Variants in TENM4 observed in about 807,000 individuals in gnomAD.
The protein encoded by TENM4 is teneurin-4.
Under a neutral mutation model 243.3 loss-of-function variants are expected in TENM4, and 82 were observed. The ratio of observed to expected loss-of-function variants is 0.34; its 90% CI spans 0.28 to 0.40. The LOEUF (loss-of-function observed/expected upper bound fraction) is 0.40. Among genes scored for constraint, TENM4 ranks in the 10% least tolerant of loss-of-function variants. The pLI, the probability that TENM4 is intolerant of heterozygous loss-of-function variation, is 1.00. For missense variants in TENM4, 3,138 were observed against 3,673.3 expected (o/e 0.85, Z 3.77); for synonymous variants, 1,412 against 1,456.3 (o/e 0.97, Z 0.69).
At chr11:79,411,409 G>C (rs1448584257) in intron 1 of TENM4, among the ~76,000 whole-genome samples, 2 of 152,224 alleles carry the variant, frequency 1.3e-5, no homozygotes, top group African/African-American at 4.8e-5. Context: ...CCATTTTACA[G>C]TTGAGAAAAC....
intron 6 of TENM4, among the ~76,000 whole-genome samples, chr11:78,956,104 C>T (rs182986779): frequency 3.9e-5 from 6 of 152,144 alleles, no homozygotes; most frequent in East Asian, 1.9e-4. Context: ...TGTGTGTGGA[C>T]GGGGTGCTGG....
At chr11:78,979,689 A>G (rs1466680566) in intron 6 of TENM4, among the ~76,000 whole-genome samples, 1 of 152,180 alleles carries the variant, frequency 6.6e-6, no homozygotes, top group Non-Finnish European at 1.5e-5. Context: ...TCCAAGTACT[A>G]AGAGTTGAGT....
intron 4 of TENM4, among the ~76,000 whole-genome samples, chr11:79,084,962 G>A (rs1213324620): frequency 1.3e-5 from 2 of 152,162 alleles, no homozygotes; most frequent in Non-Finnish European, 2.9e-5. Context: ...TTTTGCTATA[G>A]TTTTGTAAAA....
At chr11:79,294,100 A>T (rs1321365866) in intron 2 of TENM4, among the ~76,000 whole-genome samples, 1 of 152,214 alleles carries the variant, frequency 6.6e-6, no homozygotes. Context: ...TCTTTAATGC[A>T]TGGCTAATGA....
intron 2 of TENM4, among the ~76,000 whole-genome samples, chr11:79,272,895 G>A: frequency 6.6e-6 from 1 of 152,132 alleles, no homozygotes; most frequent in East Asian, 1.9e-4. Context: ...CCAATGCCTA[G>A]GATGTACCTT....
At chr11:79,056,488 C>G (rs992531419) in intron 6 of TENM4, among the ~76,000 whole-genome samples, 3 of 152,038 alleles carry the variant, frequency 2.0e-5, no homozygotes, top group African/African-American at 7.2e-5. Context: ...TAGTAGCCGT[C>G]AGTGTTGGCT....
intron 25 of TENM4, among the ~76,000 whole-genome samples, chr11:78,717,552 T>C (rs2135823704): frequency 6.6e-6 from 1 of 152,354 alleles, no homozygotes; most frequent in Non-Finnish European, 1.5e-5. Flanking sequence ...GAAATGGGGA[T>C]AGTCACACCT....
intron 6 of TENM4, among the ~76,000 whole-genome samples, chr11:78,942,732 C>T (rs1267429041): frequency 6.6e-6 from 1 of 150,776 alleles, no homozygotes; most frequent in African/African-American, 2.4e-5. Flanking sequence ...AGGCTTCCTG[C>T]TTAACTTTTC....
intron 3 of TENM4, among the ~76,000 whole-genome samples, chr11:79,183,597 A>T (rs1330367388): frequency 6.6e-6 from 1 of 152,208 alleles, no homozygotes; most frequent in Non-Finnish European, 1.5e-5. Flanking sequence ...TAACAAATGT[A>T]CCACTCTGGT....
At chr11:78,775,370 G>A (rs1856722042) in intron 17 of TENM4, among the ~76,000 whole-genome samples, 1 of 152,216 alleles carries the variant, frequency 6.6e-6, no homozygotes, top group South Asian at 2.1e-4. Context: ...GAATCATTGA[G>A]GTGCCAGTTT....
intron 3 of TENM4, among the ~76,000 whole-genome samples, chr11:79,169,838 C>A (rs983577664): frequency 4.6e-5 from 7 of 152,326 alleles, no homozygotes; most frequent in Admixed American, 3.9e-4. Context: ...AGGGTCTTCC[C>A]TGGGGAACTT....
intron 6 of TENM4, among the ~76,000 whole-genome samples, chr11:79,037,856 G>A (rs1483993067): frequency 1.3e-5 from 2 of 152,148 alleles, no homozygotes; most frequent in Non-Finnish European, 2.9e-5. Context: ...ACCTGCATGA[G>A]AATCATCATA....
At chr11:78,731,945 T>A (rs1855676470) in intron 21 of TENM4, among the ~76,000 whole-genome samples, 1 of 152,252 alleles carries the variant, frequency 6.6e-6, no homozygotes, top group African/African-American at 2.4e-5. Flanking sequence ...ACATTCCTCT[T>A]GGTAGAACCA....
intron 4 of TENM4, among the ~76,000 whole-genome samples, chr11:79,134,266 A>G (rs1021328281): frequency 3.3e-5 from 5 of 152,258 alleles, no homozygotes; most frequent in African/African-American, 1.2e-4. Context: ...AAAAAATAAC[A>G]TACTTAGGAA....
Position 79,049,926 on chromosome 11 carries a change from C to T in TENM4, c.493+14812G>A, listed in dbSNP as rs564392347. On this transcript the variant is annotated intron_variant, in intron 6 of 33. Transcript: ENST00000278550. ...CTTCCTCCGAACTTTGTCCCATGAA[C>T]CTTTTCCCTTTGCTGATTTGCTTTT... 3.9e-5 allele frequency among the ~76,000 whole-genome samples: 6 copies of T among 152,358 alleles called. No homozygotes were observed. The South Asian group carries it at 8.3e-4, about 21-fold the overall frequency.
intron 2 of TENM4, among the ~76,000 whole-genome samples, chr11:79,250,961 A>G (rs1565268845): frequency 6.6e-6 from 1 of 152,262 alleles, no homozygotes; most frequent in Non-Finnish European, 1.5e-5. Flanking sequence ...TTCTGGCAAC[A>G]TAGTAGACTG....
At chr11:79,346,254 C>T (rs2135469249) in intron 1 of TENM4, among the ~76,000 whole-genome samples, 1 of 152,288 alleles carries the variant, frequency 6.6e-6, no homozygotes, top group Non-Finnish European at 1.5e-5. Flanking sequence ...GAGTCTGAGC[C>T]ACACAGCTTC....
intron 1 of TENM4, among the ~76,000 whole-genome samples, chr11:79,344,611 G>C (rs1311794339): frequency 6.6e-6 from 1 of 152,188 alleles, no homozygotes; most frequent in Non-Finnish European, 1.5e-5. Context: ...ACATGCAAGA[G>C]TGCAGACCAT....
chr11:79,291,210 C>G lies in TENM4; in HGVS notation c.-265+6278G>C, dbSNP rs577618652. Among the ~76,000 whole-genome samples, 40 of 152,186 alleles carry G rather than the reference C, an allele frequency of 2.6e-4. 1 individual carries two copies. In the South Asian group the frequency reaches 7.9e-3, roughly 30 times the overall value. ...TGACCCTAGGATGCACGGGGAAGCA[C>G]AGAAAACCCTTCTCAAAGACAAAAA... On this transcript the variant is annotated intron_variant, in intron 2 of 33. Transcript: ENST00000278550.
Sources: allele counts gnomAD v4.1 joint callset (sites outside exome capture counted in the v4.1 genomes callset), GRCh38; gene constraint gnomAD v4.1.1; transcripts MANE v1.5; gene names NCBI Gene and HGNC (gene_info 2026-07-23, HGNC 2026-07-21).